The following BLTP1 variants were observed in gnomAD, a reference collection of about 807,000 sequenced individuals.
BLTP1 encodes the protein fragile site-associated protein.
the BLTP1 span, chr4:122,349,840 T>C: frequency 4.3e-6 from 7 of 1,610,636 alleles, no homozygotes; most frequent in Non-Finnish European, 5.9e-6. The surrounding 1 kb of genome is among the most constrained non-coding windows in gnomAD (Gnocchi z 4.5). Flanking sequence ...TGACAAAGAT[T>C]TTGTTTTATG....
At chr4:122,322,042 G>C in the BLTP1 span, among the ~76,000 whole-genome samples, 5 of 60,880 alleles carry the variant, frequency 8.2e-5, no homozygotes, top group Non-Finnish European at 1.2e-4. Flanking sequence ...GGTGTTCTTT[G>C]AGCTTCCTCT....
chr4:122,356,056 TC>T, the BLTP1 span: 1 of 1,198,610 alleles, frequency 8.3e-7, no homozygotes, highest in Non-Finnish European at 1.2e-6. Flanking sequence ...ACTGCTGTGT[TC>T]CCATGGATTT....
At chr4:122,337,385 T>A in the BLTP1 span, among the ~76,000 whole-genome samples, 3 of 152,128 alleles carry the variant, frequency 2.0e-5, no homozygotes, top group African/African-American at 7.2e-5. Flanking sequence ...CAAAGCCTTT[T>A]TTATAATAAA....
the BLTP1 span, chr4:122,179,827 T>C: frequency 1.0e-6 from 1 of 985,042 alleles, no homozygotes; most frequent in Non-Finnish European, 1.2e-6. Flanking sequence ...GTACACTCAC[T>C]GTATCCCCCT....
the BLTP1 span, chr4:122,355,967 A>T: frequency 6.2e-7 from 1 of 1,610,832 alleles, no homozygotes; most frequent in Non-Finnish European, 8.5e-7. Flanking sequence ...CATGTTCAAG[A>T]ACCACAGGAG....
At chr4:122,277,227 G>A in the BLTP1 span, 8 of 352,540 alleles carry the variant, frequency 2.3e-5, no homozygotes, top group African/African-American at 1.6e-4. Context: ...TGTAGTCCCA[G>A]CCACTTGAGA....
chr4:122,305,410 G>C, the BLTP1 span: 3 of 953,058 alleles, frequency 3.1e-6, no homozygotes, highest in Non-Finnish European at 3.7e-6. Context: ...AAAAATGAAT[G>C]TTCACAGCTT....
the BLTP1 span, among the ~76,000 whole-genome samples, chr4:122,245,442 A>T: frequency 4.6e-5 from 7 of 152,158 alleles, no homozygotes; most frequent in Non-Finnish European, 8.8e-5. Flanking sequence ...AATATTCTTT[A>T]GGACTGACAC....
At chr4:122,229,570 A>T in the BLTP1 span, 1 of 286,756 alleles carries the variant, frequency 3.5e-6, no homozygotes, top group African/African-American at 2.3e-5. Flanking sequence ...ATACATTTAT[A>T]TTTTCTGCCT....
chr4:122,308,108 A>G, the BLTP1 span: 6 of 1,613,484 alleles, frequency 3.7e-6, no homozygotes, highest in Non-Finnish European at 5.1e-6. Flanking sequence ...CTTTTTCTCC[A>G]GCTCACTGTC....
chr4:122,247,195 G>A, the BLTP1 span: 1 of 1,612,956 alleles, frequency 6.2e-7, no homozygotes, highest in South Asian at 1.1e-5. Context: ...TGCAGAACCT[G>A]GTAGAACATC....
the BLTP1 span, chr4:122,235,549 T>C: frequency 1.2e-6 from 1 of 846,990 alleles, no homozygotes; most frequent in African/African-American, 1.8e-5. Flanking sequence ...CTCACACCTG[T>C]AATCCCAGCA....
At chr4:122,305,596 A>C in the BLTP1 span, 1 of 978,374 alleles carries the variant, frequency 1.0e-6, no homozygotes, top group Non-Finnish European at 1.2e-6. Context: ...TAGAGGTTCT[A>C]ATTATTCTGA....
chr4:122,350,447 ATATT>A, the BLTP1 span: 16 of 950,564 alleles, frequency 1.7e-5, no homozygotes, highest in African/African-American at 2.5e-4. Flanking sequence ...CAATTGGCAA[ATATT>A]TATTAAGCTA....
the BLTP1 span, among the ~76,000 whole-genome samples, chr4:122,230,555 GTCA>G: frequency 1.1e-4 from 17 of 152,194 alleles, no homozygotes; most frequent in African/African-American, 3.9e-4. Flanking sequence ...CCACTTTCAA[GTCA>G]TCATTCATTC....
At chr4:122,205,831 G>C in the BLTP1 span, 1 of 275,744 alleles carries the variant, frequency 3.6e-6, no homozygotes, top group East Asian at 1.8e-4. Context: ...CTAATTTTAT[G>C]TACATGGTAT....
chr4:122,194,718 A>G, the BLTP1 span: 5 of 828,322 alleles, frequency 6.0e-6, no homozygotes, highest in Non-Finnish European at 7.3e-6. Context: ...AACTGTATTT[A>G]ATTTCATTAT....
the BLTP1 span, among the ~76,000 whole-genome samples, chr4:122,218,132 C>T: frequency 4.6e-5 from 7 of 151,804 alleles, no homozygotes; most frequent in African/African-American, 1.7e-4. Flanking sequence ...CATGGATGGT[C>T]CATCATTTTT....
At chr4:122,161,552 T>C in the BLTP1 span, among the ~76,000 whole-genome samples, 21 of 151,876 alleles carry the variant, frequency 1.4e-4, no homozygotes, top group African/African-American at 5.1e-4. Flanking sequence ...CATTTCAGTC[T>C]CTCCAGTAGA....
Sources: gnomAD v4.1 joint callset for allele counts (sites outside exome capture counted in the v4.1 genomes callset) on GRCh38, gnomAD v4.1.1 for gene constraint, Gnocchi (gnomAD v3.1) non-coding constraint, MANE v1.5 for transcripts, NCBI Gene and HGNC (gene_info 2026-07-23, HGNC 2026-07-21) for gene names.